ZNF583: variants seen among roughly 807,000 people sequenced by gnomAD.
ZNF583 encodes zinc finger protein 583.
Under a neutral mutation model 55.3 loss-of-function variants are expected in ZNF583, and 30 were observed. That is an observed-to-expected ratio of 0.54 (90% CI 0.41 to 0.74). The LOEUF is 0.74. Among genes scored for constraint, ZNF583 ranks in the 30% least tolerant of loss-of-function variants. The probability of loss-of-function intolerance (pLI) is 0.00; values close to 1 mark genes in which losing one functional copy is unlikely to be tolerated. For synonymous variants in ZNF583, 208 were observed against 220.0 expected (o/e 0.95, Z 0.48); for missense variants, 504 against 664.7 (o/e 0.76, Z 2.66).
At chr19:56,406,448 G>T (rs2042149994) in intron 1 of ZNF583, among the ~76,000 whole-genome samples, 2 of 151,944 alleles carry the variant, frequency 1.3e-5, no homozygotes, top group African/African-American at 2.4e-5. Flanking sequence ...TCCTTGCTTG[G>T]TAATACCATT....
chr19:56,423,091 A>T lies in ZNF583; in HGVS notation c.433A>T (p.Thr145Ser), dbSNP rs1304288542. 1 of 1,612,090 alleles carries T rather than the reference A, an allele frequency of 6.2e-7. No homozygotes were observed. The highest frequency in any genetic ancestry group is 1.7e-4 in the Middle Eastern group (1 of 6,042). Reference protein sequence around the residue: ...QEVHLSQLIITHKEILPEVQN... With the variant: ...QEVHLSQLIISHKEILPEVQN... ...GGTACATCTTAGTCAATTAATCATC[A>T]CTCATAAAGAAATCCTTCCAGAAGT... The change falls in exon 5 of 5, where the codon ACT becomes TCT. Residue 145 changes from threonine (T) to serine (S), a missense_variant. Physicochemically the swap from Thr to Ser is moderately conservative, Grantham distance 58. Coordinates refer to ENST00000333201, the MANE Select transcript of ZNF583 (RefSeq NM_152478.3).
intron 4 of ZNF583, chr19:56,414,883 A>C (rs1056748649): frequency 3.4e-5 from 5 of 147,160 alleles, no homozygotes; most frequent in African/African-American, 1.0e-4. Flanking sequence ...AAAAAAAAAA[A>C]TTAGCCAGGC....
Position 56,413,978 on chromosome 19 carries a change from A to G in ZNF583, c.29A>G (p.Asp10Gly). Residue 10 changes from aspartate (D) to glycine (G), a missense_variant, in exon 3 of 5, where the codon GAT becomes GGT. Asp to Gly is a moderately conservative substitution (Grantham distance 94). Around this residue, in one of 3 missense-constraint regions of ZNF583, gnomAD observed 204 missense variants for 235.2 expected, o/e 0.87. Coordinates refer to ENST00000333201, the MANE Select transcript of ZNF583 (RefSeq NM_152478.3). Reference protein sequence around the residue: MSKDLVTFGDVAVNFSQEEW... With the variant: MSKDLVTFGGVAVNFSQEEW... Reference sequence around the variant, plus strand: ...TTTCAGGATTTGGTGACATTTGGGGATGTGGCTGTAAATTTCTCTCAAGAG... The same window carrying G: ...TTTCAGGATTTGGTGACATTTGGGGGTGTGGCTGTAAATTTCTCTCAAGAG... 1 of 1,614,062 alleles carries G rather than the reference A, an allele frequency of 6.2e-7. No individual in the cohort carries two copies. Among genetic ancestry groups the G allele is most frequent in the Non-Finnish European group, 8.5e-7 (1 of 1,179,970 alleles).
In ZNF583 at chr19:56,427,162, A is replaced by T. The variant is rs562762296; in HGVS notation, c.*2794A>T. 6.6e-6 allele frequency: 1 copy of T among 152,220 alleles called. No individual in the cohort carries two copies. The highest frequency in any genetic ancestry group is 1.9e-4 in the East Asian group (1 of 5,180). 9.4% of individuals were successfully genotyped at this position (152,220 alleles called of 1,614,324 possible). On this transcript the variant is annotated 3_prime_UTR_variant, in exon 5 of 5. Coordinates refer to ENST00000333201, the MANE Select transcript of ZNF583 (RefSeq NM_152478.3). The stretch of plus-strand genomic sequence containing the variant: ...TGGCTTCTAAGAAGACATGATGAAA[A>T]GCCTCTTGAAGCCTTTGTATGTGAA...
At chr19:56,407,685 A>G (rs137870027) in intron 2 of ZNF583, among the ~76,000 whole-genome samples, 386 of 152,316 alleles carry the variant, frequency 2.5e-3, no homozygotes, top group African/African-American at 8.9e-3. Context: ...GGGAATAATG[A>G]GGTACCATTT....
Position 56,426,645 on chromosome 19 carries a change from TA to T in ZNF583, c.*2280del, listed in dbSNP as rs1226128917. ...ATATGAAGAGGCAACAGGTGACCAATAAATATGTGGTAAGTACTAAATCTCC... is the reference window on the plus strand; with the variant it reads ...ATATGAAGAGGCAACAGGTGACCAATAATATGTGGTAAGTACTAAATCTCC... On this transcript the variant is annotated 3_prime_UTR_variant, in exon 5 of 5. Coordinates refer to ENST00000333201, the MANE Select transcript of ZNF583 (RefSeq NM_152478.3). 6 of 152,088 alleles carry T rather than the reference TA, an allele frequency of 3.9e-5. No individual in the cohort carries two copies. Among genetic ancestry groups the T allele is most frequent in the African/African-American group, 1.4e-4 (6 of 41,408 alleles). 9.4% of individuals were successfully genotyped at this position (152,088 alleles called of 1,614,324 possible). A position where few individuals can be genotyped will look rare whatever the true frequency, so the allele number is the denominator to read the frequency against.
rs1239276200 is a variant in ZNF583, at chr19:56,423,780, T to C, written c.1122T>C (p.His374=). 1 of 1,613,358 alleles carries C rather than the reference T, an allele frequency of 6.2e-7. No homozygotes were observed. Among genetic ancestry groups the C allele is most frequent in the African/African-American group, 1.3e-5 (1 of 74,648 alleles). ...RGYLIVHQRI[H]TGERPYECKE... ...ACCTAATTGTACATCAGAGAATTCA[T>C]ACTGGAGAGAGACCCTACGAATGTA... is the stretch of plus-strand genomic sequence containing the variant. Residue 374 remains histidine (H), a synonymous_variant, in exon 5 of 5, where the codon CAT becomes CAC. Coordinates refer to ENST00000333201, the MANE Select transcript of ZNF583 (RefSeq NM_152478.3).
intron 1 of ZNF583, among the ~76,000 whole-genome samples, chr19:56,406,671 C>T (rs1162998969): frequency 6.6e-6 from 1 of 151,486 alleles, no homozygotes; most frequent in Non-Finnish European, 1.5e-5. Context: ...GGACTACAGG[C>T]GCCCGCCACC....
Position 56,419,652 on chromosome 19 carries a change from A to G in ZNF583, c.233-3239A>G, listed in dbSNP as rs181821372. Among the ~76,000 whole-genome samples the G allele has an allele frequency of 1.8e-4, 28 of 152,358 alleles. No individual in the cohort carries two copies. The East Asian group carries it at 4.6e-3, about 25-fold the overall frequency. On this transcript the variant is annotated intron_variant, in intron 4 of 4. Transcript: ENST00000333201. ...TTTAAATATTTGATAGAATTCACCA[A>G]TGAAGACATCTGGGCCTGAAGTATT... is the stretch of plus-strand genomic sequence containing the variant.
At chr19:56,409,011 C>T (rs1159159080) in intron 2 of ZNF583, among the ~76,000 whole-genome samples, 1 of 149,456 alleles carries the variant, frequency 6.7e-6, no homozygotes, top group Non-Finnish European at 1.5e-5. Context: ...ACATAGCTTG[C>T]TCCCCCATTT....
At chr19:56,415,099 T>G (rs1411241586) in intron 4 of ZNF583, among the ~76,000 whole-genome samples, 5 of 152,088 alleles carry the variant, frequency 3.3e-5, no homozygotes, top group Non-Finnish European at 7.4e-5. Context: ...GATTGAAGGA[T>G]TGATGCATTT....
rs1243522268 is a variant in ZNF583 at position 56,407,806 on chromosome 19, A to G, written c.9+683A>G. On this transcript the variant is annotated intron_variant, in intron 2 of 4. Coordinates refer to ENST00000333201, the MANE Select transcript of ZNF583 (RefSeq NM_152478.3). ...CTTTGTTTTGGAAAAGACTAATGGG[A>G]GAGCACTTGAATCTGCATTAAAATA... 2.6e-5 allele frequency among the ~76,000 whole-genome samples: 4 copies of G among 152,234 alleles called. No homozygotes were observed. In the East Asian group the frequency reaches 5.8e-4, roughly 22 times the overall value.
At position 56,425,741 on chromosome 19, in the gene ZNF583, TGAA is replaced by T. The variant is rs774433567; in HGVS notation, c.*1377_*1379del. 5 of 152,186 alleles carry T rather than the reference TGAA, an allele frequency of 3.3e-5. No homozygotes were observed. Among genetic ancestry groups the T allele is most frequent in the African/African-American group, 7.2e-5 (3 of 41,434 alleles). The allele number at this position is 152,186 out of a possible 1,614,324, so 9.4% of individuals were successfully genotyped here. A position where few individuals can be genotyped will look rare whatever the true frequency, so the allele number is the denominator to read the frequency against. ...TAAATTACTAAAATTTCAAAACTAG[TGAA>T]GAAAAGAAACCAAAACTGTAGGTCA... is the stretch of plus-strand genomic sequence containing the variant. On this transcript the variant is annotated 3_prime_UTR_variant, in exon 5 of 5. Transcript: ENST00000333201.
intron 4 of ZNF583, among the ~76,000 whole-genome samples, chr19:56,419,969 A>T (rs2042388580): frequency 6.6e-6 from 1 of 151,668 alleles, no homozygotes; most frequent in Admixed American, 6.6e-5. Flanking sequence ...TTTTTCTTCT[A>T]CTTTCCTTAA....
At chr19:56,418,466 G>A (rs1465818440) in intron 4 of ZNF583, among the ~76,000 whole-genome samples, 2 of 152,170 alleles carry the variant, frequency 1.3e-5, no homozygotes, top group Non-Finnish European at 2.9e-5. Context: ...AGTATCCAGT[G>A]TAGTGGTACT....
At chr19:56,419,195 CTTTT>C (rs57785686) in intron 4 of ZNF583, among the ~76,000 whole-genome samples, 6 of 114,046 alleles carry the variant, frequency 5.3e-5, no homozygotes. Context: ...TGCAGGTTTA[CTTTT>C]TTTTTTTTTT....
At position 56,425,991 on chromosome 19, in the gene ZNF583, C is replaced by T. The variant is rs1277988680; in HGVS notation, c.*1623C>T. The T allele has an allele frequency of 6.6e-6, 1 of 152,054 alleles. No homozygotes were observed. Among genetic ancestry groups the T allele is most frequent in the Non-Finnish European group, 1.5e-5 (1 of 68,010 alleles). The allele number at this position is 152,054 out of a possible 1,614,324, so 9.4% of individuals were successfully genotyped here. ...ATTCACATGTGACTATAGATACAAA[C>T]AGAATGACGAAAGTTTAATGGAGGA... On this transcript the variant is annotated 3_prime_UTR_variant, in exon 5 of 5. Coordinates refer to ENST00000333201, the MANE Select transcript of ZNF583 (RefSeq NM_152478.3).
At chr19:56,421,346 G>T in intron 4 of ZNF583, 1 of 422,070 alleles carries the variant, frequency 2.4e-6, no homozygotes, top group Non-Finnish European at 3.2e-6. Flanking sequence ...GGTTTAATTA[G>T]ATCATTGCTC....
chr19:56,409,067 T>G (rs2042199686), intron 2 of ZNF583, among the ~76,000 whole-genome samples: 1 of 152,084 alleles, frequency 6.6e-6, no homozygotes, highest in Non-Finnish European at 1.5e-5. Context: ...TAGACTTACC[T>G]TGACTATATT....
Sources: gnomAD v4.1 joint callset for allele counts (sites outside exome capture counted in the v4.1 genomes callset) on GRCh38, gnomAD v4.1.1 for gene constraint, gnomAD v4.1.1 regional missense constraint, MANE v1.5 for transcripts, NCBI Gene and HGNC (gene_info 2026-07-23, HGNC 2026-07-21) for gene names.